Variants in NAT1 observed in about 807,000 individuals in gnomAD.
The protein encoded by NAT1 is N-acetyltransferase 1, also known as arylamine N-acetyltransferase 1.
For synonymous variants in NAT1, 144 were observed against 122.6 expected, an observed-to-expected ratio of 1.17 and a Z score of -1.16; for missense variants, 400 against 339.2, an observed-to-expected ratio of 1.18 and a Z score of -1.41.
chr8:18,208,945 A>T (rs1249426342), upstream of NAT1, among the ~76,000 whole-genome samples: 2 of 152,206 alleles, frequency 1.3e-5, no homozygotes, highest in Admixed American at 6.5e-5. Flanking sequence ...TTGGAAGATG[A>T]TTTAAGGACG....
chr8:18,206,995 A>G (rs918656929), upstream of NAT1, among the ~76,000 whole-genome samples: 2 of 151,976 alleles, frequency 1.3e-5, no homozygotes, highest in African/African-American at 4.8e-5. Flanking sequence ...TAGGGTTTTT[A>G]TAGTTTTGGG....
chr8:18,177,020 TTATTAG>T (rs1441378990), intron 2 of NAT1, among the ~76,000 whole-genome samples: 1 of 152,102 alleles, frequency 6.6e-6, no homozygotes, highest in Non-Finnish European at 1.5e-5. Context: ...AGATAGTTTG[TTATTAG>T]TGTACAGAAA....
intron 2 of NAT1, among the ~76,000 whole-genome samples, chr8:18,192,907 G>T (rs1803061483): frequency 6.6e-6 from 1 of 151,654 alleles, no homozygotes; most frequent in Non-Finnish European, 1.5e-5. Flanking sequence ...GAGTTAATGG[G>T]TGCAGCACAC....
At chr8:18,212,057 T>A (rs369170667) in intron 1 of NAT1, among the ~76,000 whole-genome samples, 2 of 152,180 alleles carry the variant, frequency 1.3e-5, no homozygotes, top group Admixed American at 6.5e-5. Flanking sequence ...TGTTTATAAC[T>A]TTTTTAAGAG....
At chr8:18,186,908 G>A (rs564546408) in intron 2 of NAT1, among the ~76,000 whole-genome samples, 39 of 152,254 alleles carry the variant, frequency 2.6e-4, no homozygotes, top group Admixed American at 5.2e-4. Context: ...GAAGAAACTC[G>A]AGGAGCTAAA....
chr8:18,220,036 C>T (rs771636798), intron 2 of NAT1, among the ~76,000 whole-genome samples: 1 of 152,016 alleles, frequency 6.6e-6, no homozygotes, highest in Non-Finnish European at 1.5e-5. Context: ...ATGTATAAAC[C>T]GCCTTCGTCC....
At chr8:18,209,137 T>G (rs767588863), upstream of NAT1, among the ~76,000 whole-genome samples, 1 of 152,192 alleles carries the variant, frequency 6.6e-6, no homozygotes, top group Non-Finnish European at 1.5e-5. Flanking sequence ...CAAAGATATG[T>G]GGCCTCCAAC....
intron 2 of NAT1, among the ~76,000 whole-genome samples, chr8:18,187,132 A>G (rs573876361): frequency 6.6e-6 from 1 of 152,186 alleles, no homozygotes; most frequent in East Asian, 1.9e-4. Flanking sequence ...CTTTTGTACT[A>G]AAAAAACCAC....
rs1805358080 is a variant in NAT1, at chr8:18,222,065, T to C, written c.18T>C (p.Tyr6=). Residue 6 remains tyrosine, a synonymous_variant, in exon 3 of 3, where the codon TAT becomes TAC. Coordinates refer to ENST00000307719, the MANE Select transcript of NAT1 (RefSeq NM_000662.8). ...AGGGGATCATGGACATTGAAGCATA[T>C]CTTGAAAGAATTGGCTATAAGAAGT... MDIEA[Y]LERIGYKKSR... The C allele has an allele frequency of 1.9e-6, 3 of 1,613,240 alleles. No individual in the cohort carries two copies. Among genetic ancestry groups the C allele is most frequent in the East Asian group, 4.5e-5 (2 of 44,862 alleles).
upstream of NAT1, among the ~76,000 whole-genome samples, chr8:18,207,102 C>G (rs372781718): frequency 1.3e-5 from 2 of 152,076 alleles, no homozygotes. Context: ...CTAGCCAGTT[C>G]TCCCAGCACC....
chr8:18,176,481 C>G (rs1258497689), intron 2 of NAT1, among the ~76,000 whole-genome samples: 3 of 151,992 alleles, frequency 2.0e-5, no homozygotes, highest in African/African-American at 7.2e-5. Flanking sequence ...AATTTGTGTT[C>G]CTGGCACATT....
At chr8:18,181,017 A>T (rs995657925) in intron 2 of NAT1, among the ~76,000 whole-genome samples, 8 of 151,810 alleles carry the variant, frequency 5.3e-5, no homozygotes, top group South Asian at 2.1e-4. Context: ...ACATTTTAGA[A>T]TTTTTTTTCT....
At chr8:18,205,190 TA>T (rs1341056843), upstream of NAT1, among the ~76,000 whole-genome samples, 2 of 152,146 alleles carry the variant, frequency 1.3e-5, no homozygotes, top group Non-Finnish European at 2.9e-5. Flanking sequence ...GGCAGCATGG[TA>T]GGTTGCACGC....
intron 1 of NAT1, among the ~76,000 whole-genome samples, chr8:18,215,997 C>G (rs1446942081): frequency 1.3e-5 from 2 of 152,056 alleles, no homozygotes; most frequent in East Asian, 3.9e-4. Context: ...TCGAGAAGCA[C>G]CGTTTTCATG....
intron 2 of NAT1, among the ~76,000 whole-genome samples, chr8:18,179,880 T>C (rs1802442548): frequency 1.3e-5 from 2 of 152,242 alleles, no homozygotes; most frequent in African/African-American, 4.8e-5. Flanking sequence ...CCTCTAATGA[T>C]TTGCAGTGTA....
chr8:18,191,925 A>G (rs1803007756), intron 2 of NAT1, among the ~76,000 whole-genome samples: 1 of 152,222 alleles, frequency 6.6e-6, no homozygotes, highest in Non-Finnish European at 1.5e-5. Context: ...GGACATAGGC[A>G]TGGGCAAGGA....
intron 2 of NAT1, among the ~76,000 whole-genome samples, chr8:18,203,708 G>T (rs1283050178): frequency 5.3e-5 from 8 of 152,146 alleles, no homozygotes. Flanking sequence ...GACCCAAATG[G>T]GCCCTACCCT....
chr8:18,209,067 C>T (rs901943532), upstream of NAT1, among the ~76,000 whole-genome samples: 9 of 152,214 alleles, frequency 5.9e-5, no homozygotes, highest in Admixed American at 3.9e-4. Flanking sequence ...TTCCACTGGA[C>T]AACACCAGGA....
intron 2 of NAT1, among the ~76,000 whole-genome samples, chr8:18,184,113 A>AC (rs1370679522): frequency 6.6e-6 from 1 of 151,922 alleles, no homozygotes; most frequent in East Asian, 1.9e-4. Context: ...TGGTGGCCCC[A>AC]CCCCTGTGAC....
Sources: gnomAD v4.1 joint callset for allele counts (sites outside exome capture counted in the v4.1 genomes callset) on GRCh38, gnomAD v4.1.1 for gene constraint, MANE v1.5 for transcripts, NCBI Gene and HGNC (gene_info 2026-07-23, HGNC 2026-07-21) for gene names.